Variants in CNTNAP2 observed in about 807,000 individuals in gnomAD.
The protein encoded by CNTNAP2 is contactin-associated protein-like 2.
In CNTNAP2, 98 loss-of-function variants were observed where a neutral mutation model predicts 155.2. That is an observed-to-expected ratio of 0.63 (90% confidence interval 0.54 to 0.75). CNTNAP2 has a LOEUF of 0.75. Ranked by LOEUF, CNTNAP2 falls within the 30% of genes least tolerant of loss-of-function variation. The pLI, the probability that CNTNAP2 is intolerant of heterozygous loss-of-function variation, is 0.00. For synonymous variants in CNTNAP2, 651 were observed against 631.2 expected (o/e 1.03, Z -0.47); for missense variants, 1,727 against 1,688.1 (o/e 1.02, Z -0.40).
At chr7:146,451,596 G>A (rs985493053) in intron 1 of CNTNAP2, among the ~76,000 whole-genome samples, 3 of 151,908 alleles carry the variant, frequency 2.0e-5, no homozygotes, top group Non-Finnish European at 2.9e-5. Flanking sequence ...TTTTAACAAC[G>A]GGCCCTACGT....
intron 12 of CNTNAP2, among the ~76,000 whole-genome samples, chr7:147,609,915 C>G (rs1214908349): frequency 6.6e-6 from 1 of 151,810 alleles, no homozygotes; most frequent in Non-Finnish European, 1.5e-5. Flanking sequence ...GACAAATGGC[C>G]CAGAGCATAG....
intron 13 of CNTNAP2, among the ~76,000 whole-genome samples, chr7:147,806,222 A>G (rs1217066683): frequency 6.6e-6 from 1 of 152,258 alleles, no homozygotes; most frequent in Non-Finnish European, 1.5e-5. Flanking sequence ...ACATATGCCC[A>G]ACAGGTATGT....
intron 3 of CNTNAP2, among the ~76,000 whole-genome samples, chr7:147,037,788 AC>A (rs1799185075): frequency 6.6e-6 from 1 of 152,176 alleles, no homozygotes; most frequent in African/African-American, 2.4e-5. Flanking sequence ...ATAGATATAT[AC>A]ATGTTAGACG....
intron 14 of CNTNAP2, among the ~76,000 whole-genome samples, chr7:147,915,582 T>TA (rs1475306798): frequency 6.6e-6 from 1 of 152,098 alleles, no homozygotes; most frequent in African/African-American, 2.4e-5. Flanking sequence ...AATAAAATGT[T>TA]AAAATGGACA....
At position 147,638,841 on chromosome 7, in the gene CNTNAP2, C is replaced by CT. The variant is rs71874555; in HGVS notation, c.1898-252dup. 138,576 of 487,452 alleles carry CT rather than the reference C, an allele frequency of 0.28. 7,009 individuals carry two copies. Among genetic ancestry groups the CT allele is most frequent in the African/African-American group, 0.35 (16,932 of 48,136 alleles). The allele number at this position is 487,452 out of a possible 1,614,324, so 30.2% of individuals were successfully genotyped here. A position where few individuals can be genotyped will look rare whatever the true frequency, so the allele number is the denominator to read the frequency against. On this transcript the variant is annotated intron_variant, in intron 12 of 23. Transcript: ENST00000361727. ...TTAGAGCACCAACAAGATACAAAAG[C>CT]TTTTTTTTTTTTTCTTTTTTTGCCT...
At chr7:146,166,312 C>G (rs1798311785) in intron 1 of CNTNAP2, among the ~76,000 whole-genome samples, 1 of 152,132 alleles carries the variant, frequency 6.6e-6, no homozygotes, top group African/African-American at 2.4e-5. Context: ...AGGCTGGTCT[C>G]AAATTCCTGA....
At chr7:147,073,894 G>T (rs1351666031) in intron 4 of CNTNAP2, among the ~76,000 whole-genome samples, 2 of 152,142 alleles carry the variant, frequency 1.3e-5, no homozygotes, top group Non-Finnish European at 2.9e-5. Flanking sequence ...GGTGGGGTTA[G>T]GAGATTGAGT....
intron 13 of CNTNAP2, among the ~76,000 whole-genome samples, chr7:147,769,522 G>A (rs140845804): frequency 6.6e-6 from 1 of 152,214 alleles, no homozygotes; most frequent in East Asian, 1.9e-4. Flanking sequence ...ATTCACAATA[G>A]AGCCAAAATA....
chr7:146,695,989 A>T (rs1430972725), intron 1 of CNTNAP2, among the ~76,000 whole-genome samples: 1 of 152,158 alleles, frequency 6.6e-6, no homozygotes, highest in Non-Finnish European at 1.5e-5. Flanking sequence ...GAGAGATATT[A>T]GTAATTTTCA....
intron 1 of CNTNAP2, among the ~76,000 whole-genome samples, chr7:146,325,589 C>A (rs1348588904): frequency 1.3e-5 from 2 of 151,906 alleles, no homozygotes; most frequent in African/African-American, 2.4e-5. Context: ...GATGGACACG[C>A]CCCCCTATAC....
chr7:147,512,081 G>C (rs1239230810), intron 11 of CNTNAP2, among the ~76,000 whole-genome samples: 4 of 152,122 alleles, frequency 2.6e-5, no homozygotes, highest in Non-Finnish European at 5.9e-5. Context: ...TTTGAGAGAA[G>C]AAATAATAGG....
intron 10 of CNTNAP2, among the ~76,000 whole-genome samples, chr7:147,410,833 A>G (rs1797090956): frequency 6.6e-6 from 1 of 152,174 alleles, no homozygotes; most frequent in Admixed American, 6.5e-5. Context: ...TCACCTCCAT[A>G]AGATTTTAAG....
intron 12 of CNTNAP2, among the ~76,000 whole-genome samples, chr7:147,600,260 T>G (rs1270585927): frequency 6.6e-6 from 1 of 152,138 alleles, no homozygotes; most frequent in Non-Finnish European, 1.5e-5. Context: ...GCAAAAGTAT[T>G]TTTCTTCCTC....
At chr7:147,410,702 T>G (rs1233285581) in intron 10 of CNTNAP2, among the ~76,000 whole-genome samples, 1 of 152,058 alleles carries the variant, frequency 6.6e-6, no homozygotes, top group African/African-American at 2.4e-5. Flanking sequence ...TGAGACGTGA[T>G]GTTAGTGTAA....
chr7:146,417,799 T>C, intron 1 of CNTNAP2, among the ~76,000 whole-genome samples: 1 of 152,194 alleles, frequency 6.6e-6, no homozygotes, highest in East Asian at 1.9e-4. Context: ...TATGTAGTTA[T>C]TAATTAGGTA....
chr7:148,113,375 C>A (rs1804397522), intron 15 of CNTNAP2, among the ~76,000 whole-genome samples: 1 of 152,172 alleles, frequency 6.6e-6, no homozygotes, highest in Non-Finnish European at 1.5e-5. Context: ...ATCACTATCA[C>A]AAAGACAGCA....
At chr7:148,413,401 A>AATATATAT (rs1226281346) in intron 23 of CNTNAP2, among the ~76,000 whole-genome samples, 8 of 45,302 alleles carry the variant, frequency 1.8e-4, no homozygotes, top group African/African-American at 3.8e-4. Flanking sequence ...TCAAAAAAAA[A>AATATATAT]ATATATATAT....
At chr7:146,993,001 AT>A (rs1316859322) in intron 3 of CNTNAP2, among the ~76,000 whole-genome samples, 9 of 152,166 alleles carry the variant, frequency 5.9e-5, no homozygotes, top group Non-Finnish European at 1.3e-4. Flanking sequence ...GTGAATCCGT[AT>A]GGGTCTGCAG....
chr7:147,389,574 A>G (rs1796675368), intron 9 of CNTNAP2, among the ~76,000 whole-genome samples: 1 of 152,230 alleles, frequency 6.6e-6, no homozygotes, highest in Non-Finnish European at 1.5e-5. Flanking sequence ...GAATAGCAAT[A>G]TACTGAGTGG....
Sources: gnomAD v4.1 joint callset for allele counts (sites outside exome capture counted in the v4.1 genomes callset) on GRCh38, gnomAD v4.1.1 for gene constraint, MANE v1.5 for transcripts, NCBI Gene and HGNC (gene_info 2026-07-23, HGNC 2026-07-21) for gene names.